The following NAALADL2 variants were observed in gnomAD, a reference collection of about 807,000 sequenced individuals.
The protein encoded by NAALADL2 is N-acetylated alpha-linked acidic dipeptidase like 2.
In NAALADL2, 76 loss-of-function variants were observed where a neutral mutation model predicts 87.2. The ratio of observed to expected loss-of-function variants is 0.87; its 90% confidence interval spans 0.72 to 1.05. The LOEUF (loss-of-function observed/expected upper bound fraction) is 1.05, where lower values mean the gene tolerates loss of function less well. Ranked by LOEUF, NAALADL2 falls within the 50% of genes least tolerant of loss-of-function variation. The probability of loss-of-function intolerance (pLI) is 0.00; values close to 1 mark genes in which losing one functional copy is unlikely to be tolerated. For synonymous variants in NAALADL2, 354 were observed against 331.0 expected (o/e 1.07, Z -0.75); for missense variants, 1,089 against 945.8 (o/e 1.15, Z -1.99).
chr3:174,798,646 A>T (rs1718430986), intron 3 of NAALADL2, among the ~76,000 whole-genome samples: 1 of 152,162 alleles, frequency 6.6e-6, no homozygotes, highest in African/African-American at 2.4e-5. Flanking sequence ...TTCATTAAAA[A>T]TGTATTTTTA....
intron 2 of NAALADL2, among the ~76,000 whole-genome samples, chr3:175,174,839 CACAG>C (rs1284538250): frequency 1.3e-5 from 1 of 74,680 alleles, no homozygotes; most frequent in Non-Finnish European, 4.0e-5. Flanking sequence ...CACACATGCA[CACAG>C]ACACACACAC....
intron 3 of NAALADL2, among the ~76,000 whole-genome samples, chr3:175,240,626 A>G (rs2109592033): frequency 6.6e-6 from 1 of 152,282 alleles, no homozygotes; most frequent in African/African-American, 2.4e-5. Flanking sequence ...TCACCAACAC[A>G]GAAATGTGAA....
At chr3:175,784,576 T>C (rs1751645020) in intron 13 of NAALADL2, among the ~76,000 whole-genome samples, 1 of 144,242 alleles carries the variant, frequency 6.9e-6, no homozygotes, top group African/African-American at 2.8e-5. Flanking sequence ...TTATTGTGTC[T>C]ATTTGATTCT....
intron 1 of NAALADL2, among the ~76,000 whole-genome samples, chr3:174,922,184 C>T (rs1033387915): frequency 1.3e-5 from 2 of 151,850 alleles, no homozygotes; most frequent in African/African-American, 4.8e-5. Context: ...ATGTTGTACA[C>T]CTGTAGTCCT....
chr3:174,607,831 A>G (rs1719295261), intron 2 of NAALADL2, among the ~76,000 whole-genome samples: 2 of 152,100 alleles, frequency 1.3e-5, no homozygotes, highest in African/African-American at 4.8e-5. Flanking sequence ...AGACATCTGC[A>G]GAACTCTCCA....
intron 9 of NAALADL2, among the ~76,000 whole-genome samples, chr3:175,537,869 G>A (rs556158268): frequency 2.0e-4 from 31 of 152,230 alleles, no homozygotes; most frequent in South Asian, 8.3e-4. Flanking sequence ...TTAAATATTC[G>A]AAATCTGAAA....
chr3:174,543,151 A>G (rs1722402204), intron 1 of NAALADL2, among the ~76,000 whole-genome samples: 1 of 152,180 alleles, frequency 6.6e-6, no homozygotes, highest in Non-Finnish European at 1.5e-5. Context: ...AGAAGCAGGT[A>G]CAGCTTTAAA....
At chr3:174,729,596 C>T (rs1732515566) in intron 2 of NAALADL2, among the ~76,000 whole-genome samples, 1 of 151,956 alleles carries the variant, frequency 6.6e-6, no homozygotes, top group African/African-American at 2.4e-5. Flanking sequence ...CATGCTAGGA[C>T]ATTGTTGGGT....
chr3:175,513,055 G>A (rs1731373738), intron 9 of NAALADL2, among the ~76,000 whole-genome samples: 1 of 152,130 alleles, frequency 6.6e-6, no homozygotes, highest in Admixed American at 6.6e-5. Context: ...ATGCTGTTCT[G>A]AGCTCAATGC....
intron 2 of NAALADL2, among the ~76,000 whole-genome samples, chr3:175,101,425 G>A (rs1350038082): frequency 6.6e-6 from 1 of 152,180 alleles, no homozygotes; most frequent in Non-Finnish European, 1.5e-5. Flanking sequence ...ACCTAGGACG[G>A]TTGAGAAAGC....
chr3:174,552,000 GA>G (rs1434601330), intron 2 of NAALADL2, among the ~76,000 whole-genome samples: 6 of 152,164 alleles, frequency 3.9e-5, no homozygotes, highest in African/African-American at 1.4e-4. Flanking sequence ...TATGTAGAAT[GA>G]GAATAATATT....
intron 1 of NAALADL2, among the ~76,000 whole-genome samples, chr3:174,915,785 G>A (rs758603956): frequency 6.6e-6 from 1 of 151,998 alleles, no homozygotes; most frequent in Non-Finnish European, 1.5e-5. Context: ...TTGAAAAAGT[G>A]CAGGAAAACT....
At chr3:174,499,234 C>G (rs1388952624) in intron 1 of NAALADL2, among the ~76,000 whole-genome samples, 2 of 151,932 alleles carry the variant, frequency 1.3e-5, no homozygotes, top group Non-Finnish European at 2.9e-5. Context: ...CTGTTTAAAT[C>G]TGTTATCAGA....
intron 5 of NAALADL2, among the ~76,000 whole-genome samples, chr3:175,406,017 T>C (rs576373240): frequency 2.0e-5 from 3 of 152,302 alleles, no homozygotes; most frequent in Non-Finnish European, 2.9e-5. Flanking sequence ...GATTTGGTAA[T>C]AAATAGGACA....
chr3:175,082,543 G>A (rs1337596861), intron 1 of NAALADL2, among the ~76,000 whole-genome samples: 4 of 152,124 alleles, frequency 2.6e-5, no homozygotes, highest in Admixed American at 1.3e-4. Flanking sequence ...TTCCAATACA[G>A]GAGGAAGGCA....
At chr3:174,878,342 A>G (rs577097367) in intron 1 of NAALADL2, among the ~76,000 whole-genome samples, 35 of 152,126 alleles carry the variant, frequency 2.3e-4, no homozygotes, top group Middle Eastern at 3.4e-3. Context: ...CTCTACCTCA[A>G]TGAGTCTACT....
At chr3:175,215,196 T>G (rs1742332793) in intron 2 of NAALADL2, among the ~76,000 whole-genome samples, 1 of 152,202 alleles carries the variant, frequency 6.6e-6, no homozygotes, top group South Asian at 2.1e-4. Context: ...TTTAATGTTC[T>G]GATGCTACTG....
At chr3:175,787,911 CTTTAT>C (rs879510904) in intron 13 of NAALADL2, among the ~76,000 whole-genome samples, 1 of 151,912 alleles carries the variant, frequency 6.6e-6, no homozygotes, top group Non-Finnish European at 1.5e-5. Context: ...AGAAATAAAA[CTTTAT>C]TTTATAAATA....
At chr3:175,217,826 T>C (rs898323091) in intron 2 of NAALADL2, among the ~76,000 whole-genome samples, 5 of 152,248 alleles carry the variant, frequency 3.3e-5, no homozygotes, top group African/African-American at 7.2e-5. Flanking sequence ...CCCTTGAAAA[T>C]TGGCTTGAGT....
Sources: gnomAD v4.1 joint callset for allele counts (sites outside exome capture counted in the v4.1 genomes callset) on GRCh38, gnomAD v4.1.1 for gene constraint, MANE v1.5 for transcripts, NCBI Gene and HGNC (gene_info 2026-07-23, HGNC 2026-07-21) for gene names.